PDS5B: variants seen among roughly 807,000 people sequenced by gnomAD.
The protein encoded by PDS5B is PDS5 cohesin associated factor B.
A neutral mutation model predicts 184.1 loss-of-function variants in PDS5B; 51 were observed. The observed-to-expected ratio is 0.28, with a 90% CI of 0.22 to 0.35. The LOEUF (loss-of-function observed/expected upper bound fraction) is 0.35, where lower values mean the gene tolerates loss of function less well. PDS5B is among the 10% of genes least tolerant of loss of function. PDS5B has a pLI of 1.00. For synonymous variants in PDS5B, 566 were observed against 569.2 expected, an observed-to-expected ratio of 0.99 and a Z score of 0.08; for missense variants, 1,180 against 1,723.3, an observed-to-expected ratio of 0.68 and a Z score of 5.58.
intron 3 of PDS5B, among the ~76,000 whole-genome samples, chr13:32,656,709 G>A (rs1950523143): frequency 6.7e-6 from 1 of 150,262 alleles, no homozygotes; most frequent in Non-Finnish European, 1.5e-5. Flanking sequence ...CAATTCTCCT[G>A]TCTCAGCCTC....
At chr13:32,607,822 C>T (rs1566242769) in intron 1 of PDS5B, among the ~76,000 whole-genome samples, 1 of 152,232 alleles carries the variant, frequency 6.6e-6, no homozygotes. Flanking sequence ...GCTGTGCTAG[C>T]AGTGAGTGAG....
At position 32,770,711 on chromosome 13, in the gene PDS5B, A is replaced by T. The variant is rs781494294; in HGVS notation, c.4122A>T (p.Gly1374=). The change falls in exon 33 of 35, where the codon GGA becomes GGT. Residue 1374 remains glycine, a synonymous_variant. Coordinates refer to ENST00000315596, the MANE Select transcript of PDS5B (RefSeq NM_015032.4). ...CCACACAGTCCACACCACAGAAAGGACGAGGAAGACCATCAAAAACGCCAT... is the reference window on the plus strand; with the variant it reads ...CCACACAGTCCACACCACAGAAAGGTCGAGGAAGACCATCAAAAACGCCAT... ...IESTQSTPQK[G]RGRPSKTPSP... The T allele has an allele frequency of 6.2e-7, 1 of 1,610,978 alleles. No homozygotes were observed. The highest frequency in any genetic ancestry group is 8.5e-7 in the Non-Finnish European group (1 of 1,178,502).
chr13:32,677,372 G>GT (rs1389329233), intron 9 of PDS5B, among the ~76,000 whole-genome samples: 5 of 151,886 alleles, frequency 3.3e-5, no homozygotes, highest in African/African-American at 4.8e-5. Context: ...TATTTTATTG[G>GT]TTTTTAGCTG....
At chr13:32,721,425 G>A (rs1273739839) in intron 19 of PDS5B, among the ~76,000 whole-genome samples, 2 of 152,098 alleles carry the variant, frequency 1.3e-5, no homozygotes, top group East Asian at 3.9e-4. Context: ...CTGCCGGGCG[G>A]AGGGGCTCCT....
intron 3 of PDS5B, among the ~76,000 whole-genome samples, chr13:32,657,935 G>C (rs974223718): frequency 6.6e-6 from 1 of 152,130 alleles, no homozygotes; most frequent in African/African-American, 2.4e-5. Flanking sequence ...TCTAAAAATA[G>C]CATAAATTTT....
intron 20 of PDS5B, among the ~76,000 whole-genome samples, chr13:32,733,275 C>G (rs1953188695): frequency 6.6e-6 from 1 of 152,062 alleles, no homozygotes; most frequent in Non-Finnish European, 1.5e-5. Context: ...CTCTGTAGTC[C>G]TCCTCCTATG....
Position 32,679,652 on chromosome 13 carries a change from A to T in PDS5B, c.1057+723A>T, listed in dbSNP as rs1038995284. Among the ~76,000 whole-genome samples the T allele has an allele frequency of 2.2e-4, 34 of 151,142 alleles. No homozygotes were observed. The South Asian group carries it at 3.3e-3, about 15-fold the overall frequency. On this transcript the variant is annotated intron_variant, in intron 10 of 34. Coordinates refer to ENST00000315596, the MANE Select transcript of PDS5B (RefSeq NM_015032.4). ...ACTCTTTATCTCAAAAAAAAAAAAA[A>T]AATAAATAAATAAATGAATAAAACA...
At chr13:32,633,071 C>T (rs1223577905) in intron 1 of PDS5B, among the ~76,000 whole-genome samples, 1 of 152,090 alleles carries the variant, frequency 6.6e-6, no homozygotes, top group Non-Finnish European at 1.5e-5. Flanking sequence ...CAGAAAAGGA[C>T]AAATACTGTG....
intron 30 of PDS5B, among the ~76,000 whole-genome samples, chr13:32,763,978 A>G (rs573996062): frequency 6.6e-5 from 10 of 152,178 alleles, no homozygotes; most frequent in East Asian, 1.9e-4. Context: ...ATGAATGCCA[A>G]CTCTATGCCT....
chr13:32,732,248 T>C (rs1374051544), intron 20 of PDS5B, 24 bp downstream of exon 20: 2 of 1,539,996 alleles, frequency 1.3e-6, no homozygotes, highest in Non-Finnish European at 8.9e-7. Context: ...AATTTTCTTG[T>C]TTATTTCATA....
chr13:32,749,135 T>C (rs919498832), intron 24 of PDS5B, among the ~76,000 whole-genome samples: 1 of 152,238 alleles, frequency 6.6e-6, no homozygotes, highest in Non-Finnish European at 1.5e-5. Context: ...TTAAAAATCT[T>C]GTTGAGCACA....
At chr13:32,599,038 G>A (rs369491416) in intron 1 of PDS5B, among the ~76,000 whole-genome samples, 2,470 of 152,208 alleles carry the variant, frequency 0.016, 46 homozygotes, top group South Asian at 0.082. Flanking sequence ...CCAAAGTGCT[G>A]GGATTACAGG....
intron 1 of PDS5B, among the ~76,000 whole-genome samples, chr13:32,622,197 T>TATAA (rs1449320566): frequency 2.0e-5 from 3 of 152,118 alleles, no homozygotes; most frequent in African/African-American, 7.2e-5. Flanking sequence ...TTAGCTTATT[T>TATAA]GTATTAAACT....
intron 19 of PDS5B, among the ~76,000 whole-genome samples, chr13:32,725,385 C>G (rs1952863030): frequency 6.6e-6 from 1 of 151,910 alleles, no homozygotes; most frequent in Non-Finnish European, 1.5e-5. Context: ...GTCCCTGAGT[C>G]CTTTGAAACA....
intron 30 of PDS5B, among the ~76,000 whole-genome samples, chr13:32,761,800 A>G (rs540056980): frequency 6.6e-5 from 10 of 152,216 alleles, no homozygotes; most frequent in African/African-American, 1.9e-4. Context: ...GTAATGATCT[A>G]TTTGCATTTG....
chr13:32,609,206 C>T (rs555701147), intron 1 of PDS5B, among the ~76,000 whole-genome samples: 1 of 152,276 alleles, frequency 6.6e-6, no homozygotes, highest in South Asian at 2.1e-4. Context: ...GCTCCAAATC[C>T]CTTTATCCGT....
At chr13:32,767,652 A>G (rs890317490) in intron 31 of PDS5B, among the ~76,000 whole-genome samples, 1 of 152,198 alleles carries the variant, frequency 6.6e-6, no homozygotes, top group East Asian at 1.9e-4. Context: ...GGGAGTACCT[A>G]TATGTAGAAA....
At chr13:32,661,687 T>TA (rs1025426469) in intron 6 of PDS5B, among the ~76,000 whole-genome samples, 97 of 146,658 alleles carry the variant, frequency 6.6e-4, no homozygotes, top group East Asian at 3.8e-3. Context: ...ATGACTAGAG[T>TA]AAAAAAAAAA....
intron 2 of PDS5B, chr13:32,649,425 T>C (rs1283625172): frequency 1.3e-5 from 2 of 152,272 alleles, no homozygotes; most frequent in East Asian, 1.9e-4. Flanking sequence ...AGGGTGGTGG[T>C]GATCTCTGTA....
Sources: gnomAD v4.1 joint callset for allele counts (sites outside exome capture counted in the v4.1 genomes callset) on GRCh38, gnomAD v4.1.1 for gene constraint, MANE v1.5 for transcripts, NCBI Gene and HGNC (gene_info 2026-07-23, HGNC 2026-07-21) for gene names.